CLDN16: variants seen among roughly 807,000 people sequenced by gnomAD.
CLDN16 encodes the protein claudin-16.
A neutral mutation model predicts 24.6 loss-of-function variants in CLDN16; 13 were observed. That is an observed-to-expected ratio of 0.53 (90% CI 0.34 to 0.84). CLDN16 has a LOEUF of 0.84. CLDN16 is among the 40% of genes least tolerant of loss of function. The pLI is 0.01. For synonymous variants in CLDN16, 116 were observed against 106.7 expected, an observed-to-expected ratio of 1.09 and a Z score of -0.54; for missense variants, 298 against 292.7, an observed-to-expected ratio of 1.02 and a Z score of -0.13.
chr3:190,322,119 A>G (rs1173280012), upstream of CLDN16: 1 of 1,614,094 alleles, frequency 6.2e-7, no homozygotes, highest in African/African-American at 1.3e-5. Flanking sequence ...TAAATCCTCC[A>G]CTGGGGCAGG....
At chr3:190,325,526 T>G (rs1717042282) in intron 1 of CLDN16, among the ~76,000 whole-genome samples, 1 of 152,142 alleles carries the variant, frequency 6.6e-6, no homozygotes, top group African/African-American at 2.4e-5. Flanking sequence ...AAACAGCAAA[T>G]AGCGTACTGG....
At chr3:190,305,251 T>G in the CLDN16 span, among the ~76,000 whole-genome samples, 1 of 152,204 alleles carries the variant, frequency 6.6e-6, no homozygotes, top group African/African-American at 2.4e-5. Flanking sequence ...GTGTCAGTTA[T>G]TGATACTTTA....
At chr3:190,378,708 AG>A (rs1374230952) in intron 3 of CLDN16, among the ~76,000 whole-genome samples, 3 of 151,984 alleles carry the variant, frequency 2.0e-5, no homozygotes, top group Non-Finnish European at 4.4e-5. Flanking sequence ...AGTTTTGAGT[AG>A]GCCTCACTCT....
At chr3:190,337,220 G>C (rs541791863) in intron 1 of CLDN16, among the ~76,000 whole-genome samples, 2 of 152,306 alleles carry the variant, frequency 1.3e-5, no homozygotes, top group African/African-American at 2.4e-5. Context: ...CAATTTTGTT[G>C]AGTGACAAAT....
the CLDN16 span, chr3:190,308,179 T>A: frequency 5.6e-6 from 8 of 1,439,206 alleles, no homozygotes; most frequent in East Asian, 9.1e-5. Context: ...ATACTTCAGA[T>A]TACAATACCC....
the CLDN16 span, among the ~76,000 whole-genome samples, chr3:190,290,418 C>T: frequency 6.6e-6 from 1 of 152,180 alleles, no homozygotes; most frequent in South Asian, 2.1e-4. Flanking sequence ...GTAGAGTATA[C>T]TTGAAAAAGA....
rs756192568 is a variant in CLDN16 at position 190,409,998 on chromosome 3, G to A, written c.670G>A (p.Glu224Lys). ...CAAGTCATACTCAGCCCCTCGCACA[G>A]AGACGGCCAAAATGTATGCTGTAGA... is the stretch of plus-strand genomic sequence containing the variant. The part of the protein sequence containing the change: ...MAKSYSAPRT[E>K]TAKMYAVDTR... Residue 224 changes from glutamate (E) to lysine (K), a missense_variant, in exon 5 of 5, where the codon GAG (glutamate) becomes AAG (lysine). Physicochemically the swap from Glu to Lys is moderately conservative, Grantham distance 56 (BLOSUM62 1). Transcript: ENST00000264734. 24 of 1,613,952 alleles carry A rather than the reference G, an allele frequency of 1.5e-5. No homozygotes were observed. Among genetic ancestry groups the A allele is most frequent in the Non-Finnish European group, 2.0e-5 (24 of 1,180,018 alleles).
chr3:190,381,389 T>C (rs1040592193), intron 3 of CLDN16, among the ~76,000 whole-genome samples: 1 of 152,010 alleles, frequency 6.6e-6, no homozygotes, highest in Non-Finnish European at 1.5e-5. Context: ...AAAGATAAGT[T>C]CAAATTTATC....
chr3:190,319,530 G>T (rs1017547838), upstream of CLDN16, among the ~76,000 whole-genome samples: 1 of 152,098 alleles, frequency 6.6e-6, no homozygotes, highest in African/African-American at 2.4e-5. Context: ...CTTTATGAAG[G>T]TCATATGCTT....
chr3:190,312,858 A>C, the CLDN16 span: 1 of 1,613,634 alleles, frequency 6.2e-7, no homozygotes, highest in African/African-American at 1.3e-5. Flanking sequence ...AAAGGGGGGC[A>C]CAGCCTCTAT....
chr3:190,321,221 G>A (rs1249261245), upstream of CLDN16, among the ~76,000 whole-genome samples: 2 of 151,950 alleles, frequency 1.3e-5, no homozygotes, highest in Non-Finnish European at 2.9e-5. Context: ...TTTTTTCTTT[G>A]TATTATGTTG....
chr3:190,400,932 A>C (rs1032933623), intron 1 of CLDN16, among the ~76,000 whole-genome samples: 1 of 152,256 alleles, frequency 6.6e-6, no homozygotes, highest in Non-Finnish European at 1.5e-5. Context: ...TCCATTAACT[A>C]TGCTTTCTTG....
intron 1 of CLDN16, among the ~76,000 whole-genome samples, chr3:190,397,008 A>C (rs932772138): frequency 2.0e-5 from 3 of 152,092 alleles, no homozygotes; most frequent in Non-Finnish European, 4.4e-5. Context: ...GCTCCACCTA[A>C]ATGGGAGCAG....
chr3:190,343,839 AC>A (rs1717490667), intron 1 of CLDN16, among the ~76,000 whole-genome samples: 2 of 152,098 alleles, frequency 1.3e-5, no homozygotes, highest in African/African-American at 4.8e-5. Context: ...ATGGGAAGAT[AC>A]AGGCCAGAGG....
At chr3:190,328,484 A>G (rs573502385) in intron 1 of CLDN16, among the ~76,000 whole-genome samples, 1 of 152,284 alleles carries the variant, frequency 6.6e-6, no homozygotes, top group African/African-American at 2.4e-5. Context: ...GATTGAAGTC[A>G]CTTATGGATA....
At chr3:190,296,284 T>C in the CLDN16 span, among the ~76,000 whole-genome samples, 1 of 152,150 alleles carries the variant, frequency 6.6e-6, no homozygotes, top group Admixed American at 6.5e-5. Flanking sequence ...ATTCTGTCAT[T>C]CTTGTCATGT....
chr3:190,344,639 A>T (rs4687133), intron 1 of CLDN16, among the ~76,000 whole-genome samples: 46,072 of 151,794 alleles, frequency 0.3, 7,457 homozygotes, highest in East Asian at 0.6. Flanking sequence ...AAACATTAAG[A>T]ATTAAATCAC....
upstream of CLDN16, among the ~76,000 whole-genome samples, chr3:190,318,773 A>T (rs1716837502): frequency 1.3e-5 from 2 of 152,240 alleles, no homozygotes; most frequent in African/African-American, 4.8e-5. Context: ...AAGCATAAAT[A>T]GGTGCCCTCC....
intron 1 of CLDN16, among the ~76,000 whole-genome samples, chr3:190,391,686 A>G (rs973025762): frequency 6.6e-6 from 1 of 152,204 alleles, no homozygotes; most frequent in South Asian, 2.1e-4. Context: ...TAAAGTGGGC[A>G]ACACAAAGAA....
Sources: gnomAD v4.1 joint callset for allele counts (sites outside exome capture counted in the v4.1 genomes callset) on GRCh38, gnomAD v4.1.1 for gene constraint, MANE v1.5 for transcripts, NCBI Gene and HGNC (gene_info 2026-07-23, HGNC 2026-07-21) for gene names.